The following RBFOX1 variants were observed in gnomAD, a reference collection of about 807,000 sequenced individuals.
RBFOX1 encodes RNA binding fox-1 homolog 1, also known as RNA binding protein fox-1 homolog 1.
RBFOX1 carries 8 observed loss-of-function variants against 57.7 expected under a neutral mutation model. The observed-to-expected ratio is 0.14, with a 90% CI of 0.08 to 0.25. The LOEUF is 0.25. RBFOX1 is among the 10% of genes least tolerant of loss of function. The probability of loss-of-function intolerance (pLI) is 1.00; values close to 1 mark genes in which losing one functional copy is unlikely to be tolerated. For synonymous variants in RBFOX1, 326 were observed against 222.4 expected, an observed-to-expected ratio of 1.47 and a Z score of -4.15; for missense variants, 611 against 548.5, an observed-to-expected ratio of 1.11 and a Z score of -1.14.
intron 2 of RBFOX1, among the ~76,000 whole-genome samples, chr16:6,526,867 A>G (rs2096587889): frequency 6.7e-6 from 1 of 149,530 alleles, no homozygotes; most frequent in Admixed American, 6.7e-5. Context: ...AAACAACCAG[A>G]AAAACAGAAA....
At chr16:7,365,823 C>T (rs753186867) in intron 4 of RBFOX1, among the ~76,000 whole-genome samples, 1 of 152,200 alleles carries the variant, frequency 6.6e-6, no homozygotes, top group Non-Finnish European at 1.5e-5. Context: ...ACAGGTATCT[C>T]TTACGTGACT....
intron 4 of RBFOX1, among the ~76,000 whole-genome samples, chr16:7,067,137 G>C (rs890452887): frequency 3.9e-5 from 6 of 152,166 alleles, no homozygotes; most frequent in African/African-American, 1.4e-4. Flanking sequence ...TTCCATGCTT[G>C]TGACATGGGC....
chr16:6,239,522 A>G (rs1304550639), intron 1 of RBFOX1, among the ~76,000 whole-genome samples: 2 of 106,134 alleles, frequency 1.9e-5, no homozygotes, highest in Non-Finnish European at 3.4e-5. Context: ...TTTCTGAGAT[A>G]GAGTCTTGCT....
At chr16:6,316,773 G>A (rs1386063158) in intron 1 of RBFOX1, among the ~76,000 whole-genome samples, 1 of 152,132 alleles carries the variant, frequency 6.6e-6, no homozygotes, top group East Asian at 1.9e-4. Context: ...AAATAGAGAA[G>A]ATAATAACAC....
chr16:6,098,012 C>G (rs2096265183), intron 1 of RBFOX1, among the ~76,000 whole-genome samples: 1 of 152,118 alleles, frequency 6.6e-6, no homozygotes, highest in South Asian at 2.1e-4. Context: ...GACAAGCTCC[C>G]ACGGATGCTG....
intron 4 of RBFOX1, among the ~76,000 whole-genome samples, chr16:7,444,886 A>G (rs1319351406): frequency 6.6e-6 from 1 of 152,134 alleles, no homozygotes; most frequent in African/African-American, 2.4e-5. Context: ...GAATGCAGAT[A>G]GATAGACAGT....
chr16:7,647,287 G>C (rs1043444899), intron 11 of RBFOX1, among the ~76,000 whole-genome samples: 22 of 152,148 alleles, frequency 1.4e-4, no homozygotes, highest in Admixed American at 1.2e-3. Context: ...GAAAGCTCTT[G>C]CCTGTTTTGA....
At chr16:6,349,475 A>T (rs809681) in intron 2 of RBFOX1, among the ~76,000 whole-genome samples, 33,418 of 152,172 alleles carry the variant, frequency 0.22, 4,038 homozygotes, top group Middle Eastern at 0.33. Context: ...TGAGGATCAA[A>T]GAAAGGCTCA....
chr16:5,720,096 G>C (rs1309799239), intron 3 of RBFOX1, among the ~76,000 whole-genome samples: 1 of 152,054 alleles, frequency 6.6e-6, no homozygotes, highest in African/African-American at 2.4e-5. Context: ...ATCAGTTTTG[G>C]TTTTTATTCT....
At chr16:6,228,996 A>G (rs1398817839) in intron 1 of RBFOX1, among the ~76,000 whole-genome samples, 1 of 152,174 alleles carries the variant, frequency 6.6e-6, no homozygotes, top group Admixed American at 6.5e-5. Flanking sequence ...ATATTAAATG[A>G]TGCACAAATC....
intron 4 of RBFOX1, among the ~76,000 whole-genome samples, chr16:5,989,084 G>C (rs1350280231): frequency 6.6e-6 from 1 of 151,898 alleles, no homozygotes. Context: ...ACTTTGGGAG[G>C]CCGAGGCGGG....
At chr16:6,952,415 G>T (rs986302024) in intron 3 of RBFOX1, among the ~76,000 whole-genome samples, 2 of 152,168 alleles carry the variant, frequency 1.3e-5, no homozygotes, top group African/African-American at 2.4e-5. Context: ...GTGAGGCCAA[G>T]GCAGGAGGAT....
At chr16:5,794,348 C>G (rs530298973) in intron 3 of RBFOX1, among the ~76,000 whole-genome samples, 1 of 151,928 alleles carries the variant, frequency 6.6e-6, no homozygotes, top group East Asian at 1.9e-4. Flanking sequence ...ACTAATTCCT[C>G]GTCCTCTTCC....
intron 4 of RBFOX1, among the ~76,000 whole-genome samples, chr16:7,164,528 C>G (rs2079034024): frequency 6.6e-6 from 1 of 152,126 alleles, no homozygotes; most frequent in Non-Finnish European, 1.5e-5. Context: ...TGCAAAAATC[C>G]AAACCAGAAA....
At chr16:5,977,260 G>C (rs2060083683) in intron 4 of RBFOX1, among the ~76,000 whole-genome samples, 3 of 152,264 alleles carry the variant, frequency 2.0e-5, no homozygotes, top group East Asian at 1.9e-4. Context: ...CCACCTCTCT[G>C]CCTGCCCCAT....
chr16:7,033,214 C>T (rs538874217), intron 3 of RBFOX1, among the ~76,000 whole-genome samples: 1 of 152,082 alleles, frequency 6.6e-6, no homozygotes, highest in Admixed American at 6.5e-5. Context: ...CGTGCCTTAC[C>T]TCCTCCTTAA....
Position 5,869,234 on chromosome 16 carries a change from T to C in RBFOX1, c.351+1899T>C, listed in dbSNP as rs548291466. Among the ~76,000 whole-genome samples, 4 of 152,280 alleles carry C rather than the reference T, an allele frequency of 2.6e-5. No homozygotes were observed. In the East Asian group the frequency reaches 7.7e-4, roughly 29 times the overall value. ...TTGCGCTTTCTGGAGCATACCTGAATATGTCCTGTTTCTCTGTGGTCATCA... is the reference window on the plus strand; with the variant it reads ...TTGCGCTTTCTGGAGCATACCTGAACATGTCCTGTTTCTCTGTGGTCATCA... On this transcript the variant is annotated intron_variant, in intron 4 of 19. Transcript: ENST00000641259.
At chr16:7,101,789 G>A (rs571188579) in intron 4 of RBFOX1, among the ~76,000 whole-genome samples, 50 of 152,230 alleles carry the variant, frequency 3.3e-4, no homozygotes, top group Middle Eastern at 3.4e-3. Flanking sequence ...TTTAATGTTA[G>A]AATGTGGCAA....
chr16:5,962,773 G>C (rs547613346), intron 4 of RBFOX1, among the ~76,000 whole-genome samples: 1 of 150,580 alleles, frequency 6.6e-6, no homozygotes, highest in Admixed American at 6.6e-5. Context: ...TGGGTCATTC[G>C]CTTTTCAGTA....
Sources: allele counts gnomAD v4.1 joint callset (sites outside exome capture counted in the v4.1 genomes callset), GRCh38; gene constraint gnomAD v4.1.1; transcripts MANE v1.5; gene names NCBI Gene and HGNC (gene_info 2026-07-23, HGNC 2026-07-21).